Variants in PSME4 observed in about 807,000 individuals in gnomAD.
PSME4 encodes proteasome activator complex subunit 4.
A neutral mutation model predicts 253.9 loss-of-function variants in PSME4; 89 were observed. The observed-to-expected ratio is 0.35, with a 90% CI of 0.30 to 0.42. The LOEUF is 0.42. PSME4 is among the 10% of genes least tolerant of loss of function. The probability of loss-of-function intolerance (pLI) is 1.00; values close to 1 mark genes in which losing one functional copy is unlikely to be tolerated. For missense variants in PSME4, 2,014 were observed against 2,195.2 expected (o/e 0.92, Z 1.65); for synonymous variants, 851 against 759.2 (o/e 1.12, Z -1.99).
intron 36 of PSME4, among the ~76,000 whole-genome samples, chr2:53,891,473 T>C (rs912232456): frequency 1.3e-5 from 2 of 152,346 alleles, no homozygotes; most frequent in African/African-American, 4.8e-5. Flanking sequence ...ATTGTGTGCA[T>C]GTATCAAAAT....
intron 14 of PSME4, among the ~76,000 whole-genome samples, chr2:53,923,938 A>G (rs1668447597): frequency 6.9e-6 from 1 of 145,432 alleles, no homozygotes; most frequent in South Asian, 2.2e-4. Flanking sequence ...AAAAAAAAAA[A>G]AAAAAAATTG....
intron 43 of PSME4, among the ~76,000 whole-genome samples, chr2:53,871,842 C>T (rs936329420): frequency 2.2e-4 from 34 of 151,724 alleles, no homozygotes; most frequent in African/African-American, 8.2e-4. Context: ...GGTAAAACCC[C>T]GTCTCTACTA....
At chr2:53,881,784 A>T (rs1679402250) in intron 41 of PSME4, among the ~76,000 whole-genome samples, 1 of 152,018 alleles carries the variant, frequency 6.6e-6, no homozygotes, top group Non-Finnish European at 1.5e-5. Flanking sequence ...GGGTTTCACC[A>T]TGTGGTTCAG....
At chr2:53,894,503 C>T (rs1458098166) in intron 34 of PSME4, among the ~76,000 whole-genome samples, 1 of 149,014 alleles carries the variant, frequency 6.7e-6, no homozygotes, top group African/African-American at 2.6e-5. Context: ...AACTCCTGGG[C>T]TCAAGTGATC....
Position 53,899,885 on chromosome 2 carries a change from G to A in PSME4, c.3418C>T (p.Leu1140=). Residue 1140 remains leucine, a synonymous_variant, in exon 29 of 47, where the codon CTA becomes TTA. Coordinates refer to ENST00000404125, the MANE Select transcript of PSME4 (RefSeq NM_014614.3). ...AGTACACCATTCATCAATTACCTTA[G>A]GGCATCGGCATTCTTTTCCTGTTGG... ...KRQQEKNADA[L]RNYENLVDTL... 4 of 1,613,354 alleles carry A rather than the reference G, an allele frequency of 2.5e-6. No individual in the cohort carries two copies. Among genetic ancestry groups the A allele is most frequent in the South Asian group, 1.1e-5 (1 of 90,962 alleles).
chr2:53,967,963 T>A (rs115943773), intron 1 of PSME4, among the ~76,000 whole-genome samples: 1 of 151,550 alleles, frequency 6.6e-6, no homozygotes, highest in Admixed American at 6.6e-5. Context: ...AATACCAGAG[T>A]AGAAATGCTT....
At chr2:53,926,765 G>C (rs1365435941) in intron 12 of PSME4, among the ~76,000 whole-genome samples, 1 of 151,730 alleles carries the variant, frequency 6.6e-6, no homozygotes, top group African/African-American at 2.4e-5. Flanking sequence ...TTGAGGCCAG[G>C]AGTTCGAGAC....
rs904494372 is a variant in PSME4 at position 53,960,350 on chromosome 2, C to T, written c.242+10193G>A. On this transcript the variant is annotated intron_variant, in intron 1 of 46. Transcript: ENST00000404125. ...GGAGGCGGAGGTTGCAGTGAGCCAA[C>T]ATCAGGCCGCTGTACTCCAGCCTGG... Among the ~76,000 whole-genome samples the T allele has an allele frequency of 3.1e-4, 45 of 144,274 alleles. No individual in the cohort carries two copies. The Admixed American group carries it at 3.2e-3, about 10-fold the overall frequency. The allele number at this position is 144,274 out of a possible 152,430, so 94.6% of individuals were successfully genotyped here. A position where few individuals can be genotyped will look rare whatever the true frequency, so the allele number is the denominator to read the frequency against.
In PSME4 at chr2:53,885,686, T is replaced by G. The variant is rs1679603649; in HGVS notation, c.4815+4A>C. On this transcript the variant is annotated splice_donor_region_variant and intron_variant, in intron 41 of 46. Coordinates refer to ENST00000404125, the MANE Select transcript of PSME4 (RefSeq NM_014614.3). The stretch of plus-strand genomic sequence containing the variant: ...ATGCATTCTTAATTTCAGCAAAACC[T>G]TACCTTGAAAAACAAAGGTAGAAGC... 7 of 1,602,454 alleles carry G rather than the reference T, an allele frequency of 4.4e-6. No homozygotes were observed. Among genetic ancestry groups the G allele is most frequent in the Non-Finnish European group, 5.1e-6 (6 of 1,169,922 alleles).
chr2:53,970,393 G>A (rs1461312992), intron 1 of PSME4, 150 bp downstream of exon 1: 26 of 1,334,196 alleles, frequency 1.9e-5, no homozygotes, highest in Non-Finnish European at 2.3e-5. Context: ...TACTTCACAG[G>A]CTCTGTCACG....
At position 53,934,732 on chromosome 2, in the gene PSME4, T is replaced by C; in HGVS notation, c.835-5A>G. ...TCTCAGAATTCTTGTAAATATCTTT[T>C]AAAAGAAAAAAATAAGTAAGGATAT... is the stretch of plus-strand genomic sequence containing the variant. On this transcript the variant is annotated splice_polypyrimidine_tract_variant and splice_region_variant and intron_variant, in intron 7 of 46. Coordinates refer to ENST00000404125, the MANE Select transcript of PSME4 (RefSeq NM_014614.3). 6.4e-7 allele frequency: 1 copy of C among 1,572,804 alleles called. No individual in the cohort carries two copies. The highest frequency in any genetic ancestry group is 8.7e-7 in the Non-Finnish European group (1 of 1,147,096).
chr2:53,940,115 G>T, intron 3 of PSME4, 115 bp from the exon 4 acceptor site: 1 of 777,712 alleles, frequency 1.3e-6, no homozygotes, highest in Non-Finnish European at 1.9e-6. Flanking sequence ...TTGTTTACAT[G>T]TAATAATTGA....
intron 1 of PSME4, among the ~76,000 whole-genome samples, chr2:53,964,733 C>T (rs555496475): frequency 4.6e-5 from 7 of 152,324 alleles, no homozygotes; most frequent in Admixed American, 2.0e-4. Flanking sequence ...AATGTGGGTG[C>T]TCCTGTGGCC....
chr2:53,887,398 G>C lies in PSME4; in HGVS notation c.4590C>G (p.Val1530=). ...PNTTPTISPH[V]PEFTARILEK... ...CCAGAATTCGAGCAGTAAACTCAGG[G>C]ACATGAGGCGATATGGTTGGTGTGG... The change falls in exon 40 of 47, where the codon GTC becomes GTG. Residue 1530 remains valine, a synonymous_variant. Coordinates refer to ENST00000404125, the MANE Select transcript of PSME4 (RefSeq NM_014614.3). 6.2e-7 allele frequency: 1 copy of C among 1,613,896 alleles called. No homozygotes were observed. Among genetic ancestry groups the C allele is most frequent in the Non-Finnish European group, 8.5e-7 (1 of 1,179,828 alleles).
chr2:53,921,210 T>C, intron 17 of PSME4, 106 bp from the exon 18 acceptor site: 2 of 1,491,548 alleles, frequency 1.3e-6, no homozygotes, highest in Non-Finnish European at 9.0e-7. Context: ...TTTCTCTAAA[T>C]GACTTTAATT....
intron 20 of PSME4, among the ~76,000 whole-genome samples, chr2:53,918,730 A>G (rs1435411684): frequency 6.6e-6 from 1 of 152,216 alleles, no homozygotes; most frequent in African/African-American, 2.4e-5. Context: ...AAAAAATCAT[A>G]AAACCAATTC....
chr2:53,911,500 G>A (rs72902970), intron 20 of PSME4, among the ~76,000 whole-genome samples: 35 of 152,100 alleles, frequency 2.3e-4, no homozygotes, highest in East Asian at 1.5e-3. Flanking sequence ...TTACATGAAC[G>A]TTATGTCTTT....
chr2:53,896,971 TTC>T, intron 31 of PSME4, 86 bp from the exon 32 acceptor site: 1 of 1,010,714 alleles, frequency 9.9e-7, no homozygotes, highest in Non-Finnish European at 1.5e-6. Flanking sequence ...AGAAATAGGA[TTC>T]TGTTTCTTTA....
intron 21 of PSME4, 73 bp from the exon 22 acceptor site, chr2:53,908,913 G>T: frequency 8.6e-7 from 1 of 1,168,366 alleles, no homozygotes; most frequent in South Asian, 1.3e-5. Context: ...TATATCAACA[G>T]GTTAGGTCAA....
Sources: allele counts gnomAD v4.1 joint callset (sites outside exome capture counted in the v4.1 genomes callset), GRCh38; gene constraint gnomAD v4.1.1; transcripts MANE v1.5; gene names NCBI Gene and HGNC (gene_info 2026-07-23, HGNC 2026-07-21).